The following NRG3 variants were observed in gnomAD, a reference collection of about 807,000 sequenced individuals.
NRG3 encodes the protein neuregulin 3.
In NRG3, 31 loss-of-function variants were observed where a neutral mutation model predicts 66.9. That is an observed-to-expected ratio of 0.46 (90% CI 0.35 to 0.63). The LOEUF (loss-of-function observed/expected upper bound fraction) is 0.63, where lower values mean the gene tolerates loss of function less well. Ranked by LOEUF, NRG3 falls within the 20% of genes least tolerant of loss-of-function variation. NRG3 has a pLI of 0.00. For missense variants in NRG3, 910 were observed against 878.9 expected (o/e 1.04, Z -0.45); for synonymous variants, 393 against 359.4 (o/e 1.09, Z -1.06).
intron 2 of NRG3, among the ~76,000 whole-genome samples, chr10:82,482,607 G>C (rs1489642936): frequency 6.6e-6 from 1 of 152,090 alleles, no homozygotes; most frequent in Non-Finnish European, 1.5e-5. Context: ...CACGGAGCTT[G>C]GTAGAAATAC....
chr10:82,540,044 T>C (rs2043430497), intron 2 of NRG3, among the ~76,000 whole-genome samples: 3 of 152,212 alleles, frequency 2.0e-5, no homozygotes, highest in Admixed American at 2.0e-4. Flanking sequence ...TATTTTGCTC[T>C]TACTCCAATT....
intron 2 of NRG3, among the ~76,000 whole-genome samples, chr10:82,396,118 A>G (rs1401299553): frequency 2.0e-5 from 3 of 152,184 alleles, no homozygotes; most frequent in Non-Finnish European, 4.4e-5. Flanking sequence ...CCTTTCAAAG[A>G]CTGGATGAGT....
At chr10:82,471,844 GTGCCAT>G (rs1276980485) in intron 2 of NRG3, among the ~76,000 whole-genome samples, 1 of 151,370 alleles carries the variant, frequency 6.6e-6, no homozygotes, top group Non-Finnish European at 1.5e-5. Flanking sequence ...AGCTGAGATG[GTGCCAT>G]TGCACTCCAG....
chr10:82,774,066 G>A (rs976871173), intron 3 of NRG3, among the ~76,000 whole-genome samples: 2 of 152,086 alleles, frequency 1.3e-5, no homozygotes, highest in African/African-American at 4.8e-5. Flanking sequence ...TGGTCATCAT[G>A]TATAATTTTT....
chr10:82,135,956 T>C (rs2069313531), intron 1 of NRG3, among the ~76,000 whole-genome samples: 2 of 152,150 alleles, frequency 1.3e-5, no homozygotes, highest in Non-Finnish European at 2.9e-5. Context: ...CTTTGCAGCC[T>C]AGGCTTCTTT....
At chr10:82,439,588 G>GAA (rs972637636) in intron 2 of NRG3, among the ~76,000 whole-genome samples, 1 of 151,756 alleles carries the variant, frequency 6.6e-6, no homozygotes. Context: ...GTTTCTTATG[G>GAA]AAAATTGATA....
Position 82,109,345 on chromosome 10 carries a change from T to C in NRG3, c.823+233182T>C, listed in dbSNP as rs189313701. ...TCTGGACAAATTAAGTTCCAGATTT[T>C]GCAACAATCATGACCATTTATTTAG... On this transcript the variant is annotated intron_variant, in intron 1 of 8. Coordinates refer to ENST00000372141, the MANE Select transcript of NRG3 (RefSeq NM_001010848.4). 1.2e-3 allele frequency among the ~76,000 whole-genome samples: 185 copies of C among 152,318 alleles called. 1 individual carries two copies. Among genetic ancestry groups the C allele is most frequent in the African/African-American group, 4.3e-3 (180 of 41,594 alleles).
intron 1 of NRG3, among the ~76,000 whole-genome samples, chr10:82,006,624 T>C (rs1344613240): frequency 6.6e-6 from 1 of 152,138 alleles, no homozygotes; most frequent in Non-Finnish European, 1.5e-5. Flanking sequence ...TGTTTGTAGA[T>C]AAGGAGTTAT....
At chr10:82,357,913 A>G (rs920090258) in intron 1 of NRG3, among the ~76,000 whole-genome samples, 1 of 152,180 alleles carries the variant, frequency 6.6e-6, no homozygotes, top group African/African-American at 2.4e-5. Flanking sequence ...CTTTTTAAGT[A>G]TATTTTTTGT....
At chr10:82,697,996 G>T (rs1175163877) in intron 2 of NRG3, among the ~76,000 whole-genome samples, 1 of 152,112 alleles carries the variant, frequency 6.6e-6, no homozygotes, top group Admixed American at 6.6e-5. Flanking sequence ...AAGTCCATCT[G>T]ACATTGTAAA....
At chr10:82,557,942 A>G (rs971985841) in intron 2 of NRG3, among the ~76,000 whole-genome samples, 1 of 152,124 alleles carries the variant, frequency 6.6e-6, no homozygotes, top group East Asian at 1.9e-4. Flanking sequence ...GAGAAGAGAC[A>G]CAACACTCGC....
chr10:82,042,560 T>A (rs992403829), intron 1 of NRG3, among the ~76,000 whole-genome samples: 3 of 152,082 alleles, frequency 2.0e-5, no homozygotes, highest in African/African-American at 7.2e-5. Context: ...TTCTTAAATT[T>A]AATGGACTCA....
intron 2 of NRG3, among the ~76,000 whole-genome samples, chr10:82,688,182 C>A (rs766937981): frequency 3.3e-5 from 5 of 152,206 alleles, no homozygotes; most frequent in Non-Finnish European, 7.3e-5. Flanking sequence ...CTATTTACTT[C>A]ACTACATGTA....
At chr10:82,379,727 A>G (rs1292201616) in intron 2 of NRG3, among the ~76,000 whole-genome samples, 2 of 152,102 alleles carry the variant, frequency 1.3e-5, no homozygotes, top group Non-Finnish European at 2.9e-5. Context: ...ATATATGTAT[A>G]TTACATTTGA....
At chr10:82,081,188 A>G (rs930204188) in intron 1 of NRG3, among the ~76,000 whole-genome samples, 6 of 152,168 alleles carry the variant, frequency 3.9e-5, no homozygotes, top group African/African-American at 7.2e-5. Flanking sequence ...TTAAACCTAG[A>G]TGGGGCTTCT....
chr10:82,440,717 G>A (rs1019983237), intron 2 of NRG3, among the ~76,000 whole-genome samples: 1 of 151,972 alleles, frequency 6.6e-6, no homozygotes, highest in Non-Finnish European at 1.5e-5. Flanking sequence ...AGGTCCCATG[G>A]TAAATGATTG....
chr10:81,998,924 C>G (rs11192120), intron 1 of NRG3, among the ~76,000 whole-genome samples: 7,360 of 152,174 alleles, frequency 0.048, 605 homozygotes, highest in African/African-American at 0.17. Context: ...TCCACTGATT[C>G]TCCTGTCTCA....
chr10:81,923,716 G>A (rs1283304672), intron 1 of NRG3, among the ~76,000 whole-genome samples: 1 of 85,142 alleles, frequency 1.2e-5, no homozygotes, highest in African/African-American at 4.9e-5. Context: ...TTTCTCTTAA[G>A]CCTTCCACAA....
intron 3 of NRG3, among the ~76,000 whole-genome samples, chr10:82,853,644 T>G (rs2063669689): frequency 6.6e-6 from 1 of 152,162 alleles, no homozygotes; most frequent in Non-Finnish European, 1.5e-5. Flanking sequence ...TTGTGTACAT[T>G]AATTTTGTAT....
Sources: gnomAD v4.1 joint callset for allele counts (sites outside exome capture counted in the v4.1 genomes callset) on GRCh38, gnomAD v4.1.1 for gene constraint, MANE v1.5 for transcripts, NCBI Gene and HGNC (gene_info 2026-07-23, HGNC 2026-07-21) for gene names.